The following BRF1 variants were observed in gnomAD, a reference collection of about 807,000 sequenced individuals.
The protein encoded by BRF1 is transcription factor IIIB 90 kDa subunit.
BRF1 carries 59 observed loss-of-function variants against 81.7 expected under a neutral mutation model. That is an observed-to-expected ratio of 0.72 (90% confidence interval 0.59 to 0.90). The LOEUF (loss-of-function observed/expected upper bound fraction) is 0.90, where lower values mean the gene tolerates loss of function less well. Among genes scored for constraint, BRF1 ranks in the 40% least tolerant of loss-of-function variants. The pLI, the probability that BRF1 is intolerant of heterozygous loss-of-function variation, is 0.00. For missense variants in BRF1, 1,050 were observed against 936.3 expected (o/e 1.12, Z -1.58); for synonymous variants, 491 against 395.6 (o/e 1.24, Z -2.86).
chr14:105,229,071 C>T (rs992318560), intron 6 of BRF1, among the ~76,000 whole-genome samples, 158 bp from the exon 7 acceptor site: 2 of 152,206 alleles, frequency 1.3e-5, no homozygotes, highest in Admixed American at 1.3e-4. Flanking sequence ...CATGGCTACT[C>T]CTGAACGACA....
At chr14:105,256,445 C>A in intron 4 of BRF1, 73 bp downstream of exon 4, 1 of 1,613,802 alleles carries the variant, frequency 6.2e-7, no homozygotes, top group Non-Finnish European at 8.5e-7. Context: ...GGGTACACCC[C>A]GGTCACAACC....
At position 105,217,609 on chromosome 14, in the gene BRF1, C is replaced by T; in HGVS notation, c.1707G>A (p.Lys569=). 1 of 1,613,452 alleles carries T rather than the reference C, an allele frequency of 6.2e-7. No individual in the cohort carries two copies. ...AQPEHSASAR[K]LSRRRTPASR... is the part of the protein sequence containing the mutation. Reference sequence around the variant, plus strand: ...TGGCCGGCGTCCTCCTTCGTGACAGCTTCCTGGCACTGGCGCTATGCTCGG... The same window carrying T: ...TGGCCGGCGTCCTCCTTCGTGACAGTTTCCTGGCACTGGCGCTATGCTCGG... Residue 569 remains lysine (K), a synonymous_variant, in exon 15 of 18, where the codon AAG becomes AAA. Coordinates refer to ENST00000547530, the MANE Select transcript of BRF1 (RefSeq NM_001519.4).
intron 1 of BRF1, among the ~76,000 whole-genome samples, chr14:105,312,814 G>A (rs587764649): frequency 6.6e-6 from 1 of 152,344 alleles, no homozygotes; most frequent in Admixed American, 6.5e-5. Flanking sequence ...CATAAACGTG[G>A]TCGCAGGCGT....
intron 1 of BRF1, among the ~76,000 whole-genome samples, chr14:105,287,664 CA>C (rs1316210582): frequency 6.6e-6 from 1 of 152,224 alleles, no homozygotes. Context: ...CAGCGTCATC[CA>C]GGGGCAGCCA....
intron 3 of BRF1, among the ~76,000 whole-genome samples, chr14:105,266,810 G>A (rs1032392679): frequency 2.0e-5 from 3 of 152,186 alleles, no homozygotes; most frequent in Non-Finnish European, 2.9e-5. Context: ...TTGGGAGACT[G>A]AGGGAGGCAG....
Position 105,300,795 on chromosome 14 carries a change from GGGCCGCGCCGCCCGCAAC to G in BRF1, c.-184_-167del, listed in dbSNP as rs1302893345. On this transcript the variant is annotated 5_prime_UTR_variant, in exon 1 of 18. Transcript: ENST00000547530. ...AGCCGCAGATTCGCCGCGCGCGCCC[GGGCCGCGCCGCCCGCAAC>G]GGCCGCGCCCGCGGGATGGGACAGG... The G allele has an allele frequency of 2.0e-5, 7 of 344,778 alleles. No individual in the cohort carries two copies. Among genetic ancestry groups the G allele is most frequent in the Non-Finnish European group, 2.6e-5 (6 of 229,588 alleles). The allele number at this position is 344,778 out of a possible 1,614,324, so 21.4% of individuals were successfully genotyped here. A position where few individuals can be genotyped will look rare whatever the true frequency, so the allele number is the denominator to read the frequency against.
intron 3 of BRF1, among the ~76,000 whole-genome samples, chr14:105,257,571 C>T (rs1002111229): frequency 6.6e-5 from 10 of 152,108 alleles, no homozygotes; most frequent in African/African-American, 2.2e-4. Context: ...CGGTGAGGCC[C>T]GTGAACAAAG....
At chr14:105,272,084 G>A (rs587649223) in intron 3 of BRF1, among the ~76,000 whole-genome samples, 2 of 86,974 alleles carry the variant, frequency 2.3e-5, no homozygotes, top group African/African-American at 4.3e-5. Context: ...CAGTCACGGT[G>A]TCCACGCACA....
At position 105,284,764 on chromosome 14, in the gene BRF1, A is replaced by C. The variant is rs587635459; in HGVS notation, c.265+1532T>G. Among the ~76,000 whole-genome samples the C allele has an allele frequency of 6.6e-6, 1 of 152,316 alleles. No individual in the cohort carries two copies. Among genetic ancestry groups the C allele is most frequent in the South Asian group, 2.1e-4 (1 of 4,824 alleles). On this transcript the variant is annotated intron_variant, in intron 2 of 17. Coordinates refer to ENST00000547530, the MANE Select transcript of BRF1 (RefSeq NM_001519.4). The surrounding 1 kb of genome is among the most constrained non-coding windows in gnomAD (Gnocchi z 4.0). ...ATCAAGGACAAGAGGATGTCTGTTCACACCACTGCTATTCAATGTGGTAAA... is the reference window on the plus strand; with the variant it reads ...ATCAAGGACAAGAGGATGTCTGTTCCCACCACTGCTATTCAATGTGGTAAA...
In BRF1 at chr14:105,226,694, C is replaced by T; in HGVS notation, c.855G>A (p.Leu285=). The part of the protein sequence containing the change: ...LTIDEFMKID[L]EEECDPPSYT... Reference sequence around the variant, plus strand: ...ACGAGGGGGGGTCGCACTCCTCCTCCAGGTCGATCTTCATGAACTCATCAA... The same window carrying T: ...ACGAGGGGGGGTCGCACTCCTCCTCTAGGTCGATCTTCATGAACTCATCAA... Residue 285 remains leucine (L), a synonymous_variant, in exon 8 of 18, where the codon CTG becomes CTA. Transcript: ENST00000547530. 1 of 1,613,688 alleles carries T rather than the reference C, an allele frequency of 6.2e-7. No homozygotes were observed.
At chr14:105,212,575 TG>T in intron 15 of BRF1, 1 of 189,636 alleles carries the variant, frequency 5.3e-6, no homozygotes, top group Non-Finnish European at 1.1e-5. Context: ...CTACATCTGC[TG>T]ACAACACCCT....
chr14:105,274,743 A>G (rs968185583), intron 2 of BRF1, among the ~76,000 whole-genome samples: 5 of 152,114 alleles, frequency 3.3e-5, no homozygotes, highest in Non-Finnish European at 5.9e-5. Flanking sequence ...CTGTGTGGGG[A>G]GCACCTGGGC....
chr14:105,257,752 G>A (rs1371121339), intron 3 of BRF1, among the ~76,000 whole-genome samples: 2 of 152,186 alleles, frequency 1.3e-5, no homozygotes, highest in Non-Finnish European at 2.9e-5. Flanking sequence ...GGAAACGCCC[G>A]TGACAGCCAA....
intron 4 of BRF1, 146 bp downstream of exon 4, chr14:105,256,372 G>C: frequency 1.3e-6 from 2 of 1,585,298 alleles, no homozygotes; most frequent in Non-Finnish European, 8.6e-7. Context: ...TCATCCTACA[G>C]ACCAAAACTT....
intron 15 of BRF1, chr14:105,212,788 CG>C (rs1890339224): frequency 6.5e-6 from 1 of 152,692 alleles, no homozygotes; most frequent in Admixed American, 6.5e-5. Flanking sequence ...TGGGGAAGGA[CG>C]CAGCGGGGCA....
chr14:105,220,994 G>C (rs749872915), intron 11 of BRF1, among the ~76,000 whole-genome samples: 3 of 152,234 alleles, frequency 2.0e-5, no homozygotes, highest in Non-Finnish European at 4.4e-5. Context: ...CAACCATCAG[G>C]ATTGTCTCTA....
At chr14:105,313,010 C>T (rs587716383) in intron 1 of BRF1, among the ~76,000 whole-genome samples, 6 of 152,290 alleles carry the variant, frequency 3.9e-5, no homozygotes, top group East Asian at 3.9e-4. Flanking sequence ...AGAACTGTCA[C>T]GTCCCTTAAG....
chr14:105,281,108 GAT>G, intron 2 of BRF1, among the ~76,000 whole-genome samples: 1 of 148,096 alleles, frequency 6.8e-6, no homozygotes, highest in Admixed American at 6.7e-5. Flanking sequence ...CAGGTGTGTG[GAT>G]ACAGCCTGCG....
rs2140747407 is a variant in BRF1 at position 105,314,938 on chromosome 14, TCGGCCTCCC to T, written c.-162+375_-162+383del. On this transcript the variant is annotated intron_variant, in intron 1 of 17. Coordinates refer to the BRF1 transcript ENST00000327359. ...GGCGCCATGGCCGAGCGAGGCCGCC[TCGGCCTCCC>T]CGGCGCGCCCGGCGCGCTCAACACG... 2 of 1,139,032 alleles carry T rather than the reference TCGGCCTCCC, an allele frequency of 1.8e-6. No individual in the cohort carries two copies. The highest frequency in any genetic ancestry group is 2.2e-6 in the Non-Finnish European group (2 of 914,496). The allele number at this position is 1,139,032 out of a possible 1,614,324, so 70.6% of individuals were successfully genotyped here.
Sources: gnomAD v4.1 joint callset for allele counts (sites outside exome capture counted in the v4.1 genomes callset) on GRCh38, gnomAD v4.1.1 for gene constraint, Gnocchi (gnomAD v3.1) non-coding constraint, MANE v1.5 for transcripts, NCBI Gene and HGNC (gene_info 2026-07-23, HGNC 2026-07-21) for gene names.